The following HLA-DQA1 variants were observed in gnomAD, a reference collection of about 807,000 sequenced individuals.
HLA-DQA1 encodes the protein HLA class II histocompatibility antigen, DQ alpha 1 chain.
In HLA-DQA1, 10 loss-of-function variants were observed where a neutral mutation model predicts 20.7. The ratio of observed to expected loss-of-function variants is 0.48; its 90% CI spans 0.30 to 0.82. The LOEUF is 0.82. Ranked by LOEUF, HLA-DQA1 falls within the 40% of genes least tolerant of loss-of-function variation. The pLI is 0.07. For synonymous variants in HLA-DQA1, 39 were observed against 109.2 expected (o/e 0.36, Z 4.01); for missense variants, 127 against 293.0 (o/e 0.43, Z 4.14).
chr6:32,652,915 C>A, the HLA-DQA1 span, among the ~76,000 whole-genome samples: 7,218 of 147,296 alleles, frequency 0.049, 331 homozygotes, highest in South Asian at 0.13. Context: ...AGTCTTCAGC[C>A]TAACCCCCAG....
In HLA-DQA1 at chr6:32,641,496, C is replaced by CTG. The variant is rs765228558; in HGVS notation, c.272_273dup (p.Ala92TrpfsTer6). 9.9e-7 allele frequency: 1 copy of CTG among 1,009,798 alleles called. No individual in the cohort carries two copies. The highest frequency in any genetic ancestry group is 1.4e-6 in the Non-Finnish European group (1 of 737,054). The allele number at this position is 1,009,798 out of a possible 1,614,324, so 62.6% of individuals were successfully genotyped here. A position where few individuals can be genotyped will look rare whatever the true frequency, so the allele number is the denominator to read the frequency against. Reference sequence around the variant, plus strand: ...CCGCAGGGTGCACTGAGAAACATGGCTGTGGCAAAACACAACTTGAACATC... The same window carrying CTG: ...CCGCAGGGTGCACTGAGAAACATGGCTGTGTGGCAAAACACAACTTGAACATC... On this transcript the variant is annotated frameshift_variant, in exon 2 of 5. Coordinates refer to ENST00000343139, the MANE Select transcript of HLA-DQA1 (RefSeq NM_002122.5). LOFTEE classifies it high-confidence loss of function.
At chr6:32,654,428 T>C in the HLA-DQA1 span, among the ~76,000 whole-genome samples, 21,035 of 105,968 alleles carry the variant, frequency 0.2, 2,659 homozygotes, top group Middle Eastern at 0.4. Context: ...GGTTCCAGGA[T>C]CCTCTCTGTA....
At chr6:32,647,183 C>CTGTTGAAGTTTTCTGTAATACAAAGTTTT (rs1233103159), downstream of HLA-DQA1, 51 of 100,578 alleles carry the variant, frequency 5.1e-4, 1 homozygote, top group Admixed American at 9.5e-4. Context: ...AAACATGGTA[C>CTGTTGAAGTTTTCTGTAATACAAAGTTTT]TCAGCCAGGC....
At chr6:32,638,556 G>T (rs1781072833) in intron 1 of HLA-DQA1, among the ~76,000 whole-genome samples, 1 of 98,774 alleles carries the variant, frequency 1.0e-5, no homozygotes. Context: ...GTGTGCCTGT[G>T]GTGCCAGCTA....
At chr6:32,650,844 TATA>T (rs199519440), downstream of HLA-DQA1, among the ~76,000 whole-genome samples, 5,558 of 63,496 alleles carry the variant, frequency 0.088, 1,621 homozygotes, top group East Asian at 0.34. Flanking sequence ...GAGCTTAAAG[TATA>T]ATAATAATAA....
the HLA-DQA1 span, among the ~76,000 whole-genome samples, chr6:32,652,672 G>A: frequency 6.9e-6 from 1 of 144,134 alleles, no homozygotes; most frequent in African/African-American, 2.6e-5. Context: ...TTGAAAAAAG[G>A]GTGCATGTAC....
chr6:32,654,229 A>G, the HLA-DQA1 span, among the ~76,000 whole-genome samples: 3,731 of 73,362 alleles, frequency 0.051, 814 homozygotes, highest in Middle Eastern at 0.13. Flanking sequence ...GACTGAGCCC[A>G]GGAAGTCAAG....
At chr6:32,643,870 G>C (rs28566533), downstream of HLA-DQA1, 7,418 of 150,902 alleles carry the variant, frequency 0.049, 224 homozygotes, top group South Asian at 0.13. Flanking sequence ...TGGGAAAAGG[G>C]ACGGGAGTAG....
chr6:32,642,173 C>A lies in HLA-DQA1; in HGVS notation c.533C>A (p.Thr178Asn), dbSNP rs1220975699. 4.2e-6 allele frequency: 6 copies of A among 1,435,362 alleles called. 1 individual carries two copies. The East Asian group carries it at 1.0e-4, about 24-fold the overall frequency. 88.9% of individuals were successfully genotyped at this position (1,435,362 alleles called of 1,614,324 possible). The change falls in exon 3 of 5, where the codon ACC (threonine) becomes AAC (asparagine). Residue 178 changes from threonine to asparagine, a missense_variant. Around this residue, in one of 4 missense-constraint regions of HLA-DQA1, gnomAD observed 46 missense variants for 152.1 expected, o/e 0.30. Coordinates refer to ENST00000343139, the MANE Select transcript of HLA-DQA1 (RefSeq NM_002122.5). ...DHSFFKISYLTFLPSADEIYD... is the reference protein window; with the variant it reads ...DHSFFKISYLNFLPSADEIYD... ...TCCTTCTTCAAGATCAGTTACCTCACCTTCCTCCCTTCTGCTGATGAGATT... is the reference window on the plus strand; with the variant it reads ...TCCTTCTTCAAGATCAGTTACCTCAACTTCCTCCCTTCTGCTGATGAGATT...
downstream of HLA-DQA1, among the ~76,000 whole-genome samples, chr6:32,647,666 C>A (rs1277919600): frequency 1.3e-5 from 2 of 152,110 alleles, no homozygotes; most frequent in Non-Finnish European, 2.9e-5. Context: ...GTATCCAAAT[C>A]CTTCCTAAGT....
At chr6:32,651,388 TC>T (rs1782178478), downstream of HLA-DQA1, among the ~76,000 whole-genome samples, 2 of 81,098 alleles carry the variant, frequency 2.5e-5, 1 homozygote, top group Non-Finnish European at 5.3e-5. Flanking sequence ...ATCAAGACCA[TC>T]CTGGCTAACA....
downstream of HLA-DQA1, chr6:32,646,638 T>C (rs9273278): frequency 5.3e-4 from 29 of 55,166 alleles, 3 homozygotes; most frequent in East Asian, 1.8e-3. Context: ...CTACCACATT[T>C]AAACTAGGGA....
intron 1 of HLA-DQA1, among the ~76,000 whole-genome samples, chr6:32,640,283 A>G (rs9272627): frequency 0.66 from 58,513 of 88,866 alleles, 25,575 homozygotes; most frequent in Admixed American, 0.74. Context: ...GTTCCTTAAT[A>G]GTAGACCATG....
chr6:32,637,898 A>G (rs963606877), intron 1 of HLA-DQA1, among the ~76,000 whole-genome samples: 1 of 115,282 alleles, frequency 8.7e-6, no homozygotes, highest in South Asian at 2.8e-4. Flanking sequence ...AATTTCCCTG[A>G]ACAACTTTTG....
chr6:32,646,854 C>T (rs9273298), downstream of HLA-DQA1: 155 of 39,126 alleles, frequency 4.0e-3, no homozygotes, highest in East Asian at 0.019. Flanking sequence ...TCCATTTCTT[C>T]AGCAACAATT....
chr6:32,642,540 C>A, intron 3 of HLA-DQA1, 70 bp from the exon 4 acceptor site: 1 of 1,288,358 alleles, frequency 7.8e-7, no homozygotes, highest in Non-Finnish European at 1.1e-6. Flanking sequence ...AACCCTCTAC[C>A]CCATCCCATC....
chr6:32,654,033 T>G, the HLA-DQA1 span, among the ~76,000 whole-genome samples: 16,407 of 84,678 alleles, frequency 0.19, 3,775 homozygotes, highest in East Asian at 0.28. Context: ...GAAGGGCAGG[T>G]TGTGGTGGCT....
At chr6:32,652,105 C>A in the HLA-DQA1 span, among the ~76,000 whole-genome samples, 2 of 92,996 alleles carry the variant, frequency 2.2e-5, 1 homozygote, top group Non-Finnish European at 4.7e-5. Flanking sequence ...ATGGTGAAAC[C>A]CCGTCTCTAC....
intron 1 of HLA-DQA1, among the ~76,000 whole-genome samples, chr6:32,637,968 A>G (rs970643363): frequency 9.0e-6 from 1 of 111,592 alleles, no homozygotes; most frequent in Non-Finnish European, 2.0e-5. Flanking sequence ...TATGTACTCT[A>G]TAGATATTTA....
Sources: gnomAD v4.1 joint callset for allele counts (sites outside exome capture counted in the v4.1 genomes callset) on GRCh38, gnomAD v4.1.1 for gene constraint, gnomAD v4.1.1 regional missense constraint, MANE v1.5 for transcripts, NCBI Gene and HGNC (gene_info 2026-07-23, HGNC 2026-07-21) for gene names.